The following GRM5 variants were observed in gnomAD, a reference collection of about 807,000 sequenced individuals.
GRM5 encodes the protein metabotropic glutamate receptor 5.
Under a neutral mutation model 83.1 loss-of-function variants are expected in GRM5, and 19 were observed. That is an observed-to-expected ratio of 0.23 (90% CI 0.16 to 0.34). The LOEUF (loss-of-function observed/expected upper bound fraction) is 0.34, where lower values mean the gene tolerates loss of function less well. Among genes scored for constraint, GRM5 ranks in the 10% least tolerant of loss-of-function variants. GRM5 has a pLI of 1.00. For missense variants in GRM5, 1,160 were observed against 1,588.3 expected, an observed-to-expected ratio of 0.73 and a Z score of 4.58; for synonymous variants, 675 against 633.6, an observed-to-expected ratio of 1.07 and a Z score of -0.98.
intron 2 of GRM5, among the ~76,000 whole-genome samples, chr11:88,977,486 C>G (rs1939379861): frequency 6.6e-6 from 1 of 152,184 alleles, no homozygotes; most frequent in African/African-American, 2.4e-5. Context: ...GCTGGGATTA[C>G]AGGCGTGAGC....
At chr11:88,613,312 A>T (rs1290312899) in intron 4 of GRM5, among the ~76,000 whole-genome samples, 1 of 152,136 alleles carries the variant, frequency 6.6e-6, no homozygotes, top group Non-Finnish European at 1.5e-5. Flanking sequence ...AAGTTCCCCA[A>T]GATTATTGTG....
At chr11:88,694,111 A>G (rs774467890) in intron 3 of GRM5, among the ~76,000 whole-genome samples, 59 of 152,204 alleles carry the variant, frequency 3.9e-4, no homozygotes, top group Non-Finnish European at 7.8e-4. Context: ...AACTCAATAA[A>G]TAGTTGCAAT....
At chr11:88,729,673 C>T (rs1281011070) in intron 3 of GRM5, among the ~76,000 whole-genome samples, 1 of 152,140 alleles carries the variant, frequency 6.6e-6, no homozygotes, top group African/African-American at 2.4e-5. Context: ...GGTACCAAAA[C>T]AGATAAATAG....
At chr11:88,526,597 G>C (rs1941882741) in intron 8 of GRM5, among the ~76,000 whole-genome samples, 1 of 152,024 alleles carries the variant, frequency 6.6e-6, no homozygotes, top group South Asian at 2.1e-4. Flanking sequence ...ACTATAATAA[G>C]ACTTGTTTAT....
chr11:88,978,288 T>C lies in GRM5; in HGVS notation c.661+68924A>G, dbSNP rs1254818623. 3.3e-5 allele frequency among the ~76,000 whole-genome samples: 5 copies of C among 152,000 alleles called. No homozygotes were observed. In the East Asian group the frequency reaches 9.6e-4, roughly 29 times the overall value. ...AAGAAACTTTTGCAAATGATGGATA[T>C]ATTTATGGCATTGGTTGTGCTGATG... On this transcript the variant is annotated intron_variant, in intron 2 of 9. Transcript: ENST00000305447.
At chr11:88,671,860 T>A (rs542438974) in intron 3 of GRM5, among the ~76,000 whole-genome samples, 5 of 152,212 alleles carry the variant, frequency 3.3e-5, no homozygotes, top group Non-Finnish European at 4.4e-5. Context: ...GGTGTTTAAA[T>A]GGGCTTGTTA....
intron 9 of GRM5, chr11:88,511,924 G>A (rs1320813572): frequency 6.6e-6 from 1 of 152,232 alleles, no homozygotes; most frequent in African/African-American, 2.4e-5. Flanking sequence ...TTAATACAAA[G>A]CATGGACTTG....
intron 4 of GRM5, among the ~76,000 whole-genome samples, chr11:88,646,131 T>G (rs1445668952): frequency 6.6e-6 from 1 of 152,034 alleles, no homozygotes; most frequent in Non-Finnish European, 1.5e-5. Context: ...GGAGAAATTA[T>G]AGAAAAGATA....
chr11:88,740,505 C>T (rs1235188935), intron 3 of GRM5, among the ~76,000 whole-genome samples: 1 of 151,888 alleles, frequency 6.6e-6, no homozygotes, highest in African/African-American at 2.4e-5. Context: ...TATTAATTGT[C>T]ATAGTAACCA....
chr11:88,700,338 C>CA (rs1434696712), intron 3 of GRM5, among the ~76,000 whole-genome samples: 42 of 152,150 alleles, frequency 2.8e-4, no homozygotes, highest in Admixed American at 1.9e-3. Flanking sequence ...CCATTGCTAG[C>CA]ATGATGGGCT....
At chr11:88,843,491 G>T (rs1303541311) in intron 3 of GRM5, among the ~76,000 whole-genome samples, 1 of 152,148 alleles carries the variant, frequency 6.6e-6, no homozygotes, top group African/African-American at 2.4e-5. Context: ...AGGGTGGTAT[G>T]TTCTGATTGT....
At chr11:88,809,764 T>C (rs1292692556) in intron 3 of GRM5, among the ~76,000 whole-genome samples, 5 of 116,962 alleles carry the variant, frequency 4.3e-5, no homozygotes, top group African/African-American at 2.1e-4. Context: ...ATGCAGTTAA[T>C]ATGTCAAAAA....
At chr11:88,943,850 C>A (rs1393189224) in intron 2 of GRM5, among the ~76,000 whole-genome samples, 4 of 151,940 alleles carry the variant, frequency 2.6e-5, no homozygotes, top group East Asian at 1.9e-4. Flanking sequence ...GCATCCATAG[C>A]TACAAATTCA....
intron 2 of GRM5, among the ~76,000 whole-genome samples, chr11:88,945,374 A>G (rs1409007127): frequency 6.6e-6 from 1 of 152,102 alleles, no homozygotes; most frequent in Admixed American, 6.6e-5. Flanking sequence ...GTCATTTTTC[A>G]CAGAACTAGA....
intron 3 of GRM5, among the ~76,000 whole-genome samples, chr11:88,686,195 G>A (rs1169155023): frequency 6.6e-6 from 1 of 152,218 alleles, no homozygotes; most frequent in African/African-American, 2.4e-5. Context: ...TGACCTGGAT[G>A]TGAGACCTGG....
At chr11:88,525,478 G>A (rs1591323536) in intron 8 of GRM5, 74 bp from the exon 9 acceptor site, 2 of 918,264 alleles carry the variant, frequency 2.2e-6, no homozygotes, top group Non-Finnish European at 3.5e-6. Flanking sequence ...CTGAGGAACG[G>A]CCGTGACTGT....
intron 1 of GRM5, among the ~76,000 whole-genome samples, chr11:89,061,940 A>T (rs1443001267): frequency 6.6e-6 from 1 of 152,212 alleles, no homozygotes; most frequent in Non-Finnish European, 1.5e-5. Flanking sequence ...AAATGACTAG[A>T]GAAAGCTTTT....
chr11:88,938,947 A>T (rs1012955883), intron 2 of GRM5, among the ~76,000 whole-genome samples: 1 of 151,726 alleles, frequency 6.6e-6, no homozygotes, highest in Admixed American at 6.6e-5. Context: ...TTTTCTCTCC[A>T]TAACTGTGAA....
intron 5 of GRM5, among the ~76,000 whole-genome samples, chr11:88,602,554 G>T (rs1364826797): frequency 6.6e-6 from 1 of 152,132 alleles, no homozygotes; most frequent in Non-Finnish European, 1.5e-5. Context: ...GAATGCCTTT[G>T]ATCTGGCAGA....
Sources: allele counts gnomAD v4.1 joint callset (sites outside exome capture counted in the v4.1 genomes callset), GRCh38; gene constraint gnomAD v4.1.1; transcripts MANE v1.5; gene names NCBI Gene and HGNC (gene_info 2026-07-23, HGNC 2026-07-21).